RRH: variants seen among roughly 807,000 people sequenced by gnomAD.
The protein encoded by RRH is retinal pigment epithelium-derived rhodopsin homolog, also known as visual pigment-like receptor peropsin.
Under a neutral mutation model 33.1 loss-of-function variants are expected in RRH, and 36 were observed. The observed-to-expected ratio is 1.09, with a 90% confidence interval of 0.83 to 1.44. The LOEUF (loss-of-function observed/expected upper bound fraction) is 1.44. RRH is among the 40% of genes most tolerant of loss of function. RRH has a pLI of 0.00. For synonymous variants in RRH, 124 were observed against 140.2 expected (o/e 0.88, Z 0.82); for missense variants, 393 against 420.2 (o/e 0.94, Z 0.57).
At position 109,837,444 on chromosome 4, in the gene RRH, G is replaced by T. The variant is rs1158503124; in HGVS notation, c.559G>T (p.Val187Leu). ...GCCTTTTCTTATTTTCAGATCTTTT[G>T]TGTCTTACACCATGACAGTTATTGC... is the stretch of plus-strand genomic sequence containing the variant. Reference protein sequence around the residue: ...INWRKNDRSFVSYTMTVIAIN... With the variant: ...INWRKNDRSFLSYTMTVIAIN... Residue 187 changes from valine to leucine, a missense_variant, in exon 5 of 7, where the codon GTG (valine) becomes TTG (leucine). By Grantham distance (32) the Val-to-Leu change is conservative. Transcript: ENST00000317735. 3.1e-6 allele frequency: 5 copies of T among 1,613,648 alleles called. No individual in the cohort carries two copies. Among genetic ancestry groups the T allele is most frequent in the Non-Finnish European group, 4.2e-6 (5 of 1,179,862 alleles).
chr4:109,844,000 T>C, intron 6 of RRH, 83 bp from the exon 7 acceptor site: 1 of 870,532 alleles, frequency 1.1e-6, no homozygotes, highest in Non-Finnish European at 1.9e-6. Context: ...TTGGCAGTAG[T>C]GGCATCTTAG....
intron 5 of RRH, among the ~76,000 whole-genome samples, chr4:109,840,100 G>GT (rs1733958841): frequency 6.6e-6 from 1 of 151,928 alleles, no homozygotes; most frequent in South Asian, 2.1e-4. Flanking sequence ...GTGTAAAAGT[G>GT]TTTTTTTCCC....
rs373301235 is a variant in RRH at position 109,831,146 on chromosome 4, G to A, written c.107-1993G>A. Among the ~76,000 whole-genome samples the A allele has an allele frequency of 1.1e-4, 16 of 152,236 alleles. No homozygotes were observed. The East Asian group carries it at 1.4e-3, about 13-fold the overall frequency. On this transcript the variant is annotated intron_variant, in intron 1 of 6. Coordinates refer to ENST00000317735, the MANE Select transcript of RRH (RefSeq NM_006583.5). ...ATTATAGTTCCTTTATTCTGGTTGC[G>A]TACTTGGTAGGCAGCAATTTACTGC...
rs1733881494 is a variant in RRH at position 109,836,166 on chromosome 4, A to C, written c.551+6A>C. On this transcript the variant is annotated splice_donor_region_variant and intron_variant, in intron 4 of 6. Transcript: ENST00000317735. The stretch of plus-strand genomic sequence containing the variant: ...AACTGGAGGAAAAATGATAGGTAAG[A>C]GACAAGTTTACACTTTATAATCAAA... The C allele has an allele frequency of 6.2e-7, 1 of 1,613,874 alleles. No homozygotes were observed. The highest frequency in any genetic ancestry group is 1.3e-5 in the African/African-American group (1 of 75,050).
Position 109,836,058 on chromosome 4 carries a change from T to G in RRH, c.449T>G (p.Ile150Ser). Residue 150 changes from isoleucine (I) to serine (S), a missense_variant, in exon 4 of 7, where the codon ATC becomes AGC. Ile to Ser is a moderately radical substitution (Grantham distance 142). Transcript: ENST00000317735. ...ATCGGCTTGATTCTGGGAGCCTGGA[T>G]CAATGGCCTGTTTTGGGCTTTGATG... is the stretch of plus-strand genomic sequence containing the variant. Reference protein sequence around the residue: ...TYIGLILGAWINGLFWALMPI... With the variant: ...TYIGLILGAWSNGLFWALMPI... The G allele has an allele frequency of 6.2e-7, 1 of 1,614,200 alleles. No individual in the cohort carries two copies. Among genetic ancestry groups the G allele is most frequent in the Non-Finnish European group, 8.5e-7 (1 of 1,180,036 alleles).
intron 6 of RRH, among the ~76,000 whole-genome samples, chr4:109,843,346 G>A (rs113820559): frequency 1.3e-4 from 20 of 152,270 alleles, no homozygotes; most frequent in African/African-American, 4.6e-4. Flanking sequence ...GAGTAGCTGG[G>A]ATTACAGGTG....
intron 5 of RRH, among the ~76,000 whole-genome samples, chr4:109,842,046 C>T (rs1216665966): frequency 6.6e-6 from 1 of 151,676 alleles, no homozygotes; most frequent in Non-Finnish European, 1.5e-5. Context: ...GCAGGTAATC[C>T]CAGTAAGAGC....
chr4:109,830,093 G>T (rs1291164739), intron 1 of RRH, among the ~76,000 whole-genome samples: 1 of 152,130 alleles, frequency 6.6e-6, no homozygotes, highest in East Asian at 1.9e-4. Context: ...CCTATAAACT[G>T]TTACAACTTC....
Position 109,837,532 on chromosome 4 carries a change from T to A in RRH, c.647T>A (p.Ile216Asn). 1 of 1,613,890 alleles carries A rather than the reference T, an allele frequency of 6.2e-7. No homozygotes were observed. The highest frequency in any genetic ancestry group is 1.1e-5 in the South Asian group (1 of 91,076). The change falls in exon 5 of 7, where the codon ATT becomes AAT. Residue 216 changes from isoleucine to asparagine, a missense_variant. By Grantham distance (149) the Ile-to-Asn change is moderately radical. Transcript: ENST00000317735. ...TGCTATTACCATGTCACGCTATCCA[T>A]TAAACATCACACTACCAGTGACTGC... ...FYCYYHVTLS[I>N]KHHTTSDCTE...
chr4:109,833,465 A>C, intron 2 of RRH, 136 bp downstream of exon 2: 1 of 712,556 alleles, frequency 1.4e-6, no homozygotes, highest in Non-Finnish European at 2.4e-6. Flanking sequence ...AAAACAACAG[A>C]AGTGACTAGG....
chr4:109,836,784 G>A (rs910314031), intron 4 of RRH, among the ~76,000 whole-genome samples: 2 of 151,228 alleles, frequency 1.3e-5, no homozygotes, highest in African/African-American at 4.9e-5. Flanking sequence ...GCTGGGCACA[G>A]TGGTTCATGC....
chr4:109,832,415 G>T (rs538570672), intron 1 of RRH, among the ~76,000 whole-genome samples: 10 of 150,058 alleles, frequency 6.7e-5, no homozygotes, highest in African/African-American at 2.2e-4. Flanking sequence ...CAGCTGTGAG[G>T]CTTCTCTATG....
chr4:109,828,151 A>G lies in RRH; in HGVS notation c.106+18A>G. The G allele has an allele frequency of 6.5e-7, 1 of 1,537,334 alleles. No individual in the cohort carries two copies. The highest frequency in any genetic ancestry group is 9.0e-7 in the Non-Finnish European group (1 of 1,111,022). ...TATGGCAGGTATGGATATTTAAGTAAGTTATTTTTCTTTAGAATGGGTGAA... is the reference window on the plus strand; with the variant it reads ...TATGGCAGGTATGGATATTTAAGTAGGTTATTTTTCTTTAGAATGGGTGAA... On this transcript the variant is annotated intron_variant, in intron 1 of 6. Transcript: ENST00000317735.
At chr4:109,833,409 A>G in intron 2 of RRH, 80 bp downstream of exon 2, 2 of 1,132,134 alleles carry the variant, frequency 1.8e-6, no homozygotes, top group Non-Finnish European at 2.6e-6. Context: ...GAATCCCAAG[A>G]GTTTAAATTG....
intron 5 of RRH, among the ~76,000 whole-genome samples, chr4:109,840,535 C>A (rs1221007618): frequency 6.6e-6 from 1 of 152,164 alleles, no homozygotes; most frequent in Non-Finnish European, 1.5e-5. Context: ...ATCATGAAAT[C>A]TTTGCCTGTG....
chr4:109,834,602 C>T (rs1560584250), intron 2 of RRH, among the ~76,000 whole-genome samples: 1 of 151,584 alleles, frequency 6.6e-6, no homozygotes, highest in Non-Finnish European at 1.5e-5. Flanking sequence ...CTCGGCCTCC[C>T]AAAGTGCTGG....
At chr4:109,836,192 T>A (rs1733881842) in intron 4 of RRH, 32 bp downstream of exon 4, 2 of 1,606,998 alleles carry the variant, frequency 1.2e-6, no homozygotes, top group African/African-American at 2.7e-5. Context: ...TATAATCAAA[T>A]GCTTCTAATG....
chr4:109,839,784 C>T (rs1000893972), intron 5 of RRH, among the ~76,000 whole-genome samples: 1 of 152,194 alleles, frequency 6.6e-6, no homozygotes, highest in Non-Finnish European at 1.5e-5. Context: ...CTGCAAAGGA[C>T]ATGATCTCAT....
chr4:109,829,416 C>A (rs201079715), intron 1 of RRH, among the ~76,000 whole-genome samples: 31 of 93,460 alleles, frequency 3.3e-4, no homozygotes, highest in Non-Finnish European at 8.4e-4. Flanking sequence ...TTGTAGATGA[C>A]CAAAAAAAAA....
Sources: gnomAD v4.1 joint callset for allele counts (sites outside exome capture counted in the v4.1 genomes callset) on GRCh38, gnomAD v4.1.1 for gene constraint, MANE v1.5 for transcripts, NCBI Gene and HGNC (gene_info 2026-07-23, HGNC 2026-07-21) for gene names.